Variants in ITSN2 observed in about 807,000 individuals in gnomAD.
ITSN2 encodes the protein intersectin-2.
Under a neutral mutation model 243.7 loss-of-function variants are expected in ITSN2, and 156 were observed. The ratio of observed to expected loss-of-function variants is 0.64; its 90% confidence interval spans 0.56 to 0.73. ITSN2 has a LOEUF of 0.73. Ranked by LOEUF, ITSN2 falls within the 30% of genes least tolerant of loss-of-function variation. ITSN2 has a pLI of 0.00. For missense variants in ITSN2, 1,801 were observed against 1,996.1 expected, an observed-to-expected ratio of 0.90 and a Z score of 1.86; for synonymous variants, 703 against 699.9, an observed-to-expected ratio of 1.00 and a Z score of -0.07.
intron 24 of ITSN2, among the ~76,000 whole-genome samples, chr2:24,253,953 C>A (rs533589134): frequency 2.0e-4 from 30 of 152,178 alleles, no homozygotes; most frequent in Admixed American, 5.2e-4. Context: ...GAAAAAAATT[C>A]TTTGCAATAC....
At chr2:24,251,325 T>TAAA (rs1165033997) in intron 25 of ITSN2, among the ~76,000 whole-genome samples, 196 of 3,398 alleles carry the variant, frequency 0.058, 70 homozygotes, top group East Asian at 0.26. Context: ...AAAAAAAAAA[T>TAAA]AAAATATATA....
In ITSN2 at chr2:24,209,993, C is replaced by T. The variant is rs1669308861; in HGVS notation, c.4298G>A (p.Arg1433Gln). 6 of 1,613,970 alleles carry T rather than the reference C, an allele frequency of 3.7e-6. No individual in the cohort carries two copies. The highest frequency in any genetic ancestry group is 1.1e-5 in the South Asian group (1 of 91,074). ...FNSLTNCLGP[R>Q]KLLHSGKLYK... ...TAATTTCCCACTGTGTAAGAGCTTCCGGGGCCCCAGGCAGTTGGTGAGAGA... is the reference window on the plus strand; with the variant it reads ...TAATTTCCCACTGTGTAAGAGCTTCTGGGGCCCCAGGCAGTTGGTGAGAGA... The change falls in exon 35 of 40, where the codon CGG (arginine) becomes CAG (glutamine). Residue 1433 changes from arginine (R) to glutamine (Q), a missense_variant. Physicochemically the swap from Arg to Gln is conservative, Grantham distance 43. Transcript: ENST00000355123.
intron 27 of ITSN2, among the ~76,000 whole-genome samples, chr2:24,247,922 T>G (rs1673594108): frequency 6.6e-6 from 1 of 152,126 alleles, no homozygotes; most frequent in Admixed American, 6.5e-5. Flanking sequence ...GTATTAAATT[T>G]GAACCCCCAT....
Position 24,340,755 on chromosome 2 carries a change from C to A in ITSN2, c.-33-12640G>T, listed in dbSNP as rs761576580. ...TGTTCTCAAAAAAGGAAAAAAAACA[C>A]ACACACACACACACATATAGTATAT... On this transcript the variant is annotated intron_variant, in intron 1 of 39. Transcript: ENST00000355123. 6.7e-4 allele frequency among the ~76,000 whole-genome samples: 102 copies of A among 151,692 alleles called. 1 individual carries two copies. Among genetic ancestry groups the A allele is most frequent in the Non-Finnish European group, 1.4e-3 (92 of 67,964 alleles).
chr2:24,276,496 T>G (rs1678029890), intron 17 of ITSN2, among the ~76,000 whole-genome samples: 1 of 152,096 alleles, frequency 6.6e-6, no homozygotes, highest in Admixed American at 6.6e-5. Context: ...CTTTAAAGAG[T>G]TCACAATCTC....
intron 9 of ITSN2, 148 bp from the exon 10 acceptor site, chr2:24,302,250 G>A: frequency 2.8e-6 from 1 of 356,518 alleles, no homozygotes; most frequent in Non-Finnish European, 4.5e-6. Flanking sequence ...TCAACCTGGA[G>A]TGCAGTGGCG....
At chr2:24,213,340 A>G (rs919003413) in intron 32 of ITSN2, among the ~76,000 whole-genome samples, 3 of 152,156 alleles carry the variant, frequency 2.0e-5, no homozygotes, top group African/African-American at 7.2e-5. Flanking sequence ...CGCCAGGCCC[A>G]GGGCCCACAT....
intron 2 of ITSN2, among the ~76,000 whole-genome samples, chr2:24,318,443 G>A (rs1684179971): frequency 6.6e-6 from 1 of 152,156 alleles, no homozygotes; most frequent in East Asian, 1.9e-4. Flanking sequence ...TGGACCATAT[G>A]CATTCTGACA....
At chr2:24,313,581 GCTTCT>G in intron 3 of ITSN2, 58 bp from the exon 4 acceptor site, 5 of 1,228,342 alleles carry the variant, frequency 4.1e-6, no homozygotes, top group Non-Finnish European at 5.9e-6. Context: ...TTATTCCAAT[GCTTCT>G]GAATAATAAT....
intron 34 of ITSN2, 167 bp from the exon 35 acceptor site, chr2:24,210,200 A>G (rs1358003416): frequency 3.4e-6 from 2 of 595,254 alleles, no homozygotes; most frequent in African/African-American, 1.9e-5. Context: ...ATTACTCTTC[A>G]GAGTCCAAAC....
chr2:24,323,893 A>G (rs963340369), intron 2 of ITSN2, among the ~76,000 whole-genome samples: 2 of 152,202 alleles, frequency 1.3e-5, no homozygotes, highest in African/African-American at 4.8e-5. Context: ...CTTTAGTTAG[A>G]AACCTTAAGA....
chr2:24,269,654 C>T (rs1340545812), intron 20 of ITSN2, among the ~76,000 whole-genome samples: 1 of 152,178 alleles, frequency 6.6e-6, no homozygotes, highest in Non-Finnish European at 1.5e-5. Context: ...TTTTCATTAG[C>T]CTACAAGCGT....
intron 23 of ITSN2, 50 bp from the exon 24 acceptor site, chr2:24,254,481 A>C (rs1674765191): frequency 6.9e-7 from 1 of 1,458,746 alleles, no homozygotes; most frequent in Non-Finnish European, 9.6e-7. Flanking sequence ...ATACAAGCAA[A>C]AATAAGAAAG....
At chr2:24,343,587 A>G (rs575880496) in intron 1 of ITSN2, among the ~76,000 whole-genome samples, 1 of 152,228 alleles carries the variant, frequency 6.6e-6, no homozygotes, top group Non-Finnish European at 1.5e-5. Flanking sequence ...ATGTGCTTCC[A>G]AAGATAAATT....
chr2:24,238,427 A>G (rs1038422146), intron 29 of ITSN2, among the ~76,000 whole-genome samples: 35 of 152,334 alleles, frequency 2.3e-4, no homozygotes, highest in African/African-American at 7.7e-4. Context: ...ATTTAGATCC[A>G]TATCTTTCTT....
At chr2:24,240,739 A>G (rs1229477329) in intron 29 of ITSN2, 5 of 152,250 alleles carry the variant, frequency 3.3e-5, no homozygotes, top group African/African-American at 1.2e-4. Context: ...CTGTGATTGT[A>G]TATACACTTT....
chr2:24,223,164 G>A (rs975634488), intron 29 of ITSN2, among the ~76,000 whole-genome samples: 5 of 152,196 alleles, frequency 3.3e-5, no homozygotes, highest in African/African-American at 9.7e-5. Context: ...AAGGGCAGCA[G>A]AGCGAAGGCG....
At chr2:24,289,299 AGTTTTCAGTTACAG>A (rs1034749373) in intron 15 of ITSN2, among the ~76,000 whole-genome samples, 1 of 152,174 alleles carries the variant, frequency 6.6e-6, no homozygotes, top group African/African-American at 2.4e-5. Flanking sequence ...CCCATCAATT[AGTTTTCAGTTACAG>A]ATCTTTCCCC....
Position 24,204,471 on chromosome 2 carries a change from G to A in ITSN2, c.4763-53C>T, listed in dbSNP as rs756988805. 1.9e-5 allele frequency: 28 copies of A among 1,510,276 alleles called. No individual in the cohort carries two copies. The highest frequency in any genetic ancestry group is 2.3e-5 in the East Asian group (1 of 44,318). 93.6% of individuals were successfully genotyped at this position (1,510,276 alleles called of 1,614,324 possible). A position where few individuals can be genotyped will look rare whatever the true frequency, so the allele number is the denominator to read the frequency against. The stretch of plus-strand genomic sequence containing the variant: ...GTGGTGCATGCAGGTAAAACGAAGC[G>A]ACTGACAGTGCCCTCCCTGAGCAGA... On this transcript the variant is annotated intron_variant, in intron 38 of 39. Coordinates refer to ENST00000355123, the MANE Select transcript of ITSN2 (RefSeq NM_006277.3). This position sits in a 1 kb window ranked among gnomAD's most constrained non-coding sequence, Gnocchi z 5.1.
Sources: gnomAD v4.1 joint callset for allele counts (sites outside exome capture counted in the v4.1 genomes callset) on GRCh38, gnomAD v4.1.1 for gene constraint, Gnocchi (gnomAD v3.1) non-coding constraint, MANE v1.5 for transcripts, NCBI Gene and HGNC (gene_info 2026-07-23, HGNC 2026-07-21) for gene names.